CNTNAP2: variants seen among roughly 807,000 people sequenced by gnomAD.
CNTNAP2 encodes the protein contactin associated protein 2, also known as contactin-associated protein-like 2.
A neutral mutation model predicts 155.2 loss-of-function variants in CNTNAP2; 98 were observed. The observed-to-expected ratio is 0.63, with a 90% CI of 0.54 to 0.75. The LOEUF (loss-of-function observed/expected upper bound fraction) is 0.75. Among genes scored for constraint, CNTNAP2 ranks in the 30% least tolerant of loss-of-function variants. The pLI is 0.00. For synonymous variants in CNTNAP2, 651 were observed against 631.2 expected (o/e 1.03, Z -0.47); for missense variants, 1,727 against 1,688.1 (o/e 1.02, Z -0.40).
chr7:146,648,833 G>A (rs1448235169), intron 1 of CNTNAP2, among the ~76,000 whole-genome samples: 1 of 151,972 alleles, frequency 6.6e-6, no homozygotes, highest in Non-Finnish European at 1.5e-5. Context: ...TTATTAAAAT[G>A]GAAATAGAAG....
chr7:147,590,470 G>C (rs764511200), intron 12 of CNTNAP2, among the ~76,000 whole-genome samples: 64 of 152,096 alleles, frequency 4.2e-4, no homozygotes, highest in Non-Finnish European at 6.8e-4. Flanking sequence ...TCTCTCTCCT[G>C]CTGCCCTGTG....
intron 13 of CNTNAP2, among the ~76,000 whole-genome samples, chr7:147,732,184 C>CA (rs1439261173): frequency 2.0e-5 from 2 of 101,574 alleles, no homozygotes; most frequent in East Asian, 4.5e-4. Flanking sequence ...CTATCCCTCC[C>CA]CCCCCCACCA....
chr7:147,781,487 A>C (rs1268957079), intron 13 of CNTNAP2, among the ~76,000 whole-genome samples: 1 of 152,188 alleles, frequency 6.6e-6, no homozygotes, highest in East Asian at 1.9e-4. Context: ...AATACTAAGG[A>C]GGATGAAGCT....
chr7:146,917,234 A>T (rs960625531), intron 3 of CNTNAP2, among the ~76,000 whole-genome samples: 2 of 151,780 alleles, frequency 1.3e-5, no homozygotes, highest in African/African-American at 4.8e-5. Context: ...TTATCATATG[A>T]TCTATCTTGG....
At chr7:146,248,107 A>C (rs62308345) in intron 1 of CNTNAP2, among the ~76,000 whole-genome samples, 1 of 148,420 alleles carries the variant, frequency 6.7e-6, no homozygotes, top group African/African-American at 2.6e-5. Context: ...GGGTCGGGGC[A>C]CAGAGATATA....
intron 14 of CNTNAP2, among the ~76,000 whole-genome samples, chr7:147,968,638 C>T (rs1003842447): frequency 6.6e-6 from 1 of 152,116 alleles, no homozygotes; most frequent in Non-Finnish European, 1.5e-5. Flanking sequence ...GACATAGAAG[C>T]GATTTTTGAA....
At chr7:146,391,842 T>C (rs1441632670) in intron 1 of CNTNAP2, among the ~76,000 whole-genome samples, 2 of 151,918 alleles carry the variant, frequency 1.3e-5, no homozygotes, top group Admixed American at 1.3e-4. Context: ...TTTTGGAGGA[T>C]AGAGGGTAGA....
intron 13 of CNTNAP2, among the ~76,000 whole-genome samples, chr7:147,863,412 G>A (rs6964273): frequency 6.6e-6 from 1 of 151,948 alleles, no homozygotes; most frequent in South Asian, 2.1e-4. Flanking sequence ...GTCTTTACAG[G>A]AGCATGATTT....
At chr7:146,947,557 GTA>G (rs1325610298) in intron 3 of CNTNAP2, among the ~76,000 whole-genome samples, 87 of 50,706 alleles carry the variant, frequency 1.7e-3, no homozygotes, top group Admixed American at 4.8e-3. Flanking sequence ...GTGTGTGTGT[GTA>G]TATATATATA....
chr7:147,655,486 ATG>A (rs1795512461), intron 13 of CNTNAP2, among the ~76,000 whole-genome samples: 1 of 152,206 alleles, frequency 6.6e-6, no homozygotes, highest in Admixed American at 6.5e-5. Flanking sequence ...AATAGAATTC[ATG>A]TTGTATTAGC....
chr7:146,389,875 A>G (rs10232747), intron 1 of CNTNAP2, among the ~76,000 whole-genome samples: 1,773 of 151,402 alleles, frequency 0.012, 37 homozygotes, highest in African/African-American at 0.041. Flanking sequence ...CTAAATTTGT[A>G]TTTTTAGTAG....
At position 146,731,646 on chromosome 7, in the gene CNTNAP2, A is replaced by G. The variant is rs184115659; in HGVS notation, c.98-42625A>G. ...GGAAATTAGTATCTTCAGTTGAGGA[A>G]TACATTAAAATCTTAAACTAAGGTC... On this transcript the variant is annotated intron_variant, in intron 1 of 23. Coordinates refer to ENST00000361727, the MANE Select transcript of CNTNAP2 (RefSeq NM_014141.6). Among the ~76,000 whole-genome samples, 491 of 152,168 alleles carry G rather than the reference A, an allele frequency of 3.2e-3. 3 individuals are homozygous for G. The highest frequency in any genetic ancestry group is 0.011 in the African/African-American group (461 of 41,544).
intron 1 of CNTNAP2, among the ~76,000 whole-genome samples, chr7:146,495,134 C>G (rs1797194954): frequency 1.3e-5 from 2 of 152,134 alleles, no homozygotes; most frequent in African/African-American, 4.8e-5. Context: ...CTGTGATAAG[C>G]CTGTGATGCC....
intron 3 of CNTNAP2, among the ~76,000 whole-genome samples, chr7:146,928,358 T>C (rs1796653533): frequency 1.3e-5 from 2 of 152,216 alleles, no homozygotes; most frequent in South Asian, 4.1e-4. Flanking sequence ...GATATGGATA[T>C]GTTTCCATGG....
intron 10 of CNTNAP2, among the ~76,000 whole-genome samples, chr7:147,477,475 T>C (rs1166560692): frequency 2.0e-5 from 3 of 152,138 alleles, no homozygotes; most frequent in African/African-American, 7.2e-5. Context: ...ACTTGGAGCA[T>C]TAAAATAGCT....
intron 11 of CNTNAP2, among the ~76,000 whole-genome samples, chr7:147,534,233 A>G (rs2116731174): frequency 6.6e-6 from 1 of 152,310 alleles, no homozygotes; most frequent in Non-Finnish European, 1.5e-5. Flanking sequence ...ACGCTGGTGA[A>G]CATCCTACAA....
intron 12 of CNTNAP2, among the ~76,000 whole-genome samples, chr7:147,575,101 TGG>T (rs1355992246): frequency 4.3e-5 from 6 of 138,058 alleles, no homozygotes; most frequent in Non-Finnish European, 9.2e-5. Flanking sequence ...CCGGTCTTTG[TGG>T]GAAATGTGTG....
intron 21 of CNTNAP2, among the ~76,000 whole-genome samples, chr7:148,350,726 G>T (rs534910306): frequency 1.3e-5 from 2 of 152,174 alleles, no homozygotes; most frequent in Non-Finnish European, 2.9e-5. Context: ...CATATATTTC[G>T]TGGTTTCATT....
At chr7:148,009,180 C>T (rs901203446) in intron 15 of CNTNAP2, among the ~76,000 whole-genome samples, 2 of 152,182 alleles carry the variant, frequency 1.3e-5, no homozygotes, top group African/African-American at 4.8e-5. Flanking sequence ...ACCTAGCCTA[C>T]CTTAAACATG....
Sources: allele counts gnomAD v4.1 joint callset (sites outside exome capture counted in the v4.1 genomes callset), GRCh38; gene constraint gnomAD v4.1.1; transcripts MANE v1.5; gene names NCBI Gene and HGNC (gene_info 2026-07-23, HGNC 2026-07-21).